RUBCN: variants seen among roughly 807,000 people sequenced by gnomAD.
RUBCN encodes run domain Beclin-1-interacting and cysteine-rich domain-containing protein.
RUBCN carries 74 observed loss-of-function variants against 113.2 expected under a neutral mutation model. The observed-to-expected ratio is 0.65, with a 90% CI of 0.54 to 0.79. The LOEUF (loss-of-function observed/expected upper bound fraction) is 0.79. Ranked by LOEUF, RUBCN falls within the 30% of genes least tolerant of loss-of-function variation. RUBCN has a pLI of 0.00. For synonymous variants in RUBCN, 480 were observed against 490.0 expected (o/e 0.98, Z 0.27); for missense variants, 1,109 against 1,251.7 (o/e 0.89, Z 1.72).
intron 11 of RUBCN, among the ~76,000 whole-genome samples, chr3:197,689,590 GCAGGGAAGACT>G (rs1722206429): frequency 6.6e-6 from 1 of 152,130 alleles, no homozygotes; most frequent in Admixed American, 6.5e-5. Context: ...TCCTCCTCAG[GCAGGGAAGACT>G]CATGTTAGAA....
rs1721174731 is a variant in RUBCN, at chr3:197,681,069, G to A, written c.2430+60C>T. ...GGGGAGGGGACGGGGGAGGGACGAGGGGAGGGGATGAGGGGAGGAGAAGGG... is the reference window on the plus strand; with the variant it reads ...GGGGAGGGGACGGGGGAGGGACGAGAGGAGGGGATGAGGGGAGGAGAAGGG... On this transcript the variant is annotated intron_variant, in intron 16 of 19. Transcript: ENST00000296343. This position sits in a 1 kb window ranked among gnomAD's most constrained non-coding sequence, Gnocchi z 5.5. 2.0e-6 allele frequency: 2 copies of A among 1,013,470 alleles called. No individual in the cohort carries two copies. The highest frequency in any genetic ancestry group is 2.4e-5 in the East Asian group (1 of 41,416). The allele number at this position is 1,013,470 out of a possible 1,614,324, so 62.8% of individuals were successfully genotyped here.
In RUBCN at chr3:197,674,848, G is replaced by A. The variant is rs569489065; in HGVS notation, c.*170C>T. ...ACTCTGGACCCATCAACCTGCCGAC[G>A]GCTGACTGCACACAGACGTCAGACA... On this transcript the variant is annotated 3_prime_UTR_variant, in exon 20 of 20. Coordinates refer to ENST00000296343, the MANE Select transcript of RUBCN (RefSeq NM_014687.4). 35 of 593,638 alleles carry A rather than the reference G, an allele frequency of 5.9e-5. No individual in the cohort carries two copies. The Admixed American group carries it at 8.9e-4, about 15-fold the overall frequency. The allele number at this position is 593,638 out of a possible 1,614,324, so 36.8% of individuals were successfully genotyped here. A position where few individuals can be genotyped will look rare whatever the true frequency, so the allele number is the denominator to read the frequency against.
rs1290674103 is a variant in RUBCN, at chr3:197,705,242, G to C, written c.220-67C>G. 3.5e-6 allele frequency: 5 copies of C among 1,428,774 alleles called. No individual in the cohort carries two copies. The East Asian group carries it at 1.1e-4, about 33-fold the overall frequency. The allele number at this position is 1,428,774 out of a possible 1,614,324, so 88.5% of individuals were successfully genotyped here. On this transcript the variant is annotated intron_variant, in intron 2 of 19. Transcript: ENST00000296343. ...TGGACCAGATCTAGTTCTAGGGTTG[G>C]CATTCAAAGATAGGAAAAGGACCAC...
chr3:197,698,486 G>A (rs1384857435), intron 7 of RUBCN, among the ~76,000 whole-genome samples: 1 of 151,982 alleles, frequency 6.6e-6, no homozygotes, highest in Non-Finnish European at 1.5e-5. Flanking sequence ...AGAATCCTAT[G>A]CAATAGCTGG....
chr3:197,676,766 C>T, intron 18 of RUBCN, 119 bp downstream of exon 18: 1 of 1,579,014 alleles, frequency 6.3e-7, no homozygotes, highest in Non-Finnish European at 8.6e-7. Flanking sequence ...GTTCCTCTCC[C>T]AGTGCTGACT....
At chr3:197,746,391 A>C (rs555802552) in intron 1 of RUBCN, among the ~76,000 whole-genome samples, 1 of 152,304 alleles carries the variant, frequency 6.6e-6, no homozygotes, top group South Asian at 2.1e-4. Context: ...TATCTCTGGC[A>C]CGCCTCAATC....
intron 8 of RUBCN, among the ~76,000 whole-genome samples, chr3:197,696,306 A>T (rs1722992290): frequency 6.6e-6 from 1 of 151,486 alleles, no homozygotes; most frequent in Non-Finnish European, 1.5e-5. Context: ...TGGGAGGCGG[A>T]GGTTGCAGTG....
upstream of RUBCN, among the ~76,000 whole-genome samples, chr3:197,738,206 A>G (rs752773137): frequency 2.0e-5 from 3 of 152,192 alleles, no homozygotes; most frequent in East Asian, 5.8e-4. Flanking sequence ...TTGAGTTGCT[A>G]GTTTGCAAAC....
intron 1 of RUBCN, among the ~76,000 whole-genome samples, chr3:197,725,015 C>A (rs771121159): frequency 6.6e-6 from 1 of 151,836 alleles, no homozygotes. Flanking sequence ...CTCGTCTCTA[C>A]AAAAAAACTA....
chr3:197,701,239 A>G, intron 6 of RUBCN, 93 bp from the exon 7 acceptor site: 1 of 1,157,564 alleles, frequency 8.6e-7, no homozygotes. Context: ...ATACGATGTC[A>G]CCTCAGAAAC....
At chr3:197,748,982 A>G (rs1728880110) in intron 1 of RUBCN, among the ~76,000 whole-genome samples, 2 of 152,248 alleles carry the variant, frequency 1.3e-5, no homozygotes. Flanking sequence ...GACAGAATGC[A>G]TCTGGTATTG....
intron 11 of RUBCN, among the ~76,000 whole-genome samples, chr3:197,688,179 A>G (rs748892814): frequency 5.3e-5 from 8 of 152,064 alleles, no homozygotes; most frequent in Non-Finnish European, 1.0e-4. Context: ...GGTGCACACC[A>G]CCACACCCGA....
intron 11 of RUBCN, chr3:197,691,019 G>C (rs754148294): frequency 3.1e-6 from 3 of 959,300 alleles, no homozygotes; most frequent in East Asian, 6.0e-5. Context: ...GAAAGCTGGT[G>C]CAACATTCTC....
chr3:197,730,617 C>G (rs1398657746), intron 1 of RUBCN, among the ~76,000 whole-genome samples: 6 of 149,926 alleles, frequency 4.0e-5, no homozygotes, highest in Middle Eastern at 3.5e-3. Context: ...GGGGCCATCA[C>G]GAGTGTGGAT....
Position 197,695,956 on chromosome 3 carries a change from C to G in RUBCN, c.1383G>C (p.Gly461=). The G allele has an allele frequency of 6.2e-7, 1 of 1,614,104 alleles. No homozygotes were observed. Among genetic ancestry groups the G allele is most frequent in the East Asian group, 2.2e-5 (1 of 44,888 alleles). Residue 461 remains glycine (G), a synonymous_variant, in exon 9 of 20, where the codon GGG becomes GGC. Transcript: ENST00000296343. ...EYEGGRYLCS[G]EGMFRRPSEG... is the part of the protein sequence containing the mutation. Reference sequence around the variant, plus strand: ...CTGATGGTCTTCGGAACATGCCTTCCCCTGAGCACAGGTACCGACCACCTT... The same window carrying G: ...CTGATGGTCTTCGGAACATGCCTTCGCCTGAGCACAGGTACCGACCACCTT...
intron 11 of RUBCN, among the ~76,000 whole-genome samples, chr3:197,688,311 G>A (rs923986653): frequency 6.6e-6 from 1 of 151,774 alleles, no homozygotes; most frequent in Non-Finnish European, 1.5e-5. Flanking sequence ...ACAGGTGTGA[G>A]CCACCGCTGG....
At chr3:197,700,546 T>C (rs1723526232) in intron 7 of RUBCN, 67 bp downstream of exon 7, 3 of 1,530,562 alleles carry the variant, frequency 2.0e-6, no homozygotes, top group East Asian at 4.5e-5. Context: ...AAAGTCCCCA[T>C]AACAAGCCCT....
intron 1 of RUBCN, among the ~76,000 whole-genome samples, chr3:197,718,940 T>C (rs1725836327): frequency 6.6e-6 from 1 of 152,228 alleles, no homozygotes; most frequent in Non-Finnish European, 1.5e-5. Context: ...TTTATGATTA[T>C]ACCGTAAGAA....
exon 1 of RUBCN, chr3:197,749,471 G>A (rs1728908941): frequency 1.6e-6 from 2 of 1,276,028 alleles, no homozygotes; most frequent in South Asian, 2.5e-5. Context: ...GAGCGTGCCA[G>A]GGAGGGGGGA....
Sources: allele counts gnomAD v4.1 joint callset (sites outside exome capture counted in the v4.1 genomes callset), GRCh38; gene constraint gnomAD v4.1.1; non-coding constraint Gnocchi (gnomAD v3.1); transcripts MANE v1.5; gene names NCBI Gene and HGNC (gene_info 2026-07-23, HGNC 2026-07-21).